The following KIRREL1 variants were observed in gnomAD, a reference collection of about 807,000 sequenced individuals.
KIRREL1 encodes kin of IRRE-like protein 1.
A neutral mutation model predicts 83.3 loss-of-function variants in KIRREL1; 25 were observed. That is an observed-to-expected ratio of 0.30 (90% CI 0.22 to 0.42). The LOEUF (loss-of-function observed/expected upper bound fraction) is 0.42, where lower values mean the gene tolerates loss of function less well. Ranked by LOEUF, KIRREL1 falls within the 10% of genes least tolerant of loss-of-function variation. The probability of loss-of-function intolerance (pLI) is 1.00; values close to 1 mark genes in which losing one functional copy is unlikely to be tolerated. For synonymous variants in KIRREL1, 388 were observed against 410.4 expected (o/e 0.95, Z 0.66); for missense variants, 812 against 1,032.3 (o/e 0.79, Z 2.92).
intron 3 of KIRREL1, among the ~76,000 whole-genome samples, chr1:158,083,161 A>G (rs944884156): frequency 2.0e-5 from 3 of 152,178 alleles, no homozygotes; most frequent in Admixed American, 1.3e-4. Context: ...AACATCATAC[A>G]TCGGTCAATT....
At chr1:158,038,756 T>G (rs1443157964) in intron 1 of KIRREL1, among the ~76,000 whole-genome samples, 1 of 152,198 alleles carries the variant, frequency 6.6e-6, no homozygotes, top group Non-Finnish European at 1.5e-5. Context: ...CGTGAAAAAT[T>G]CTGTGTCATG....
At chr1:158,056,451 C>T (rs2101599274) in intron 1 of KIRREL1, among the ~76,000 whole-genome samples, 1 of 152,332 alleles carries the variant, frequency 6.6e-6, no homozygotes, top group African/African-American at 2.4e-5. Context: ...AGGGAGCAGG[C>T]CAAAGAGCCC....
intron 1 of KIRREL1, among the ~76,000 whole-genome samples, chr1:158,029,369 A>ATGTGTGTGTG (rs1218198001): frequency 0.072 from 10,387 of 145,060 alleles, 528 homozygotes; most frequent in Middle Eastern, 0.15. Flanking sequence ...GTGTGTGTGC[A>ATGTGTGTGTG]CGTGCGCGCG....
chr1:158,002,758 G>A (rs1659401729), intron 1 of KIRREL1, among the ~76,000 whole-genome samples: 1 of 152,186 alleles, frequency 6.6e-6, no homozygotes, highest in Non-Finnish European at 1.5e-5. Flanking sequence ...AGCAGGGGCA[G>A]GGAGGGGGCC....
chr1:158,007,842 C>A (rs1201289475), intron 1 of KIRREL1, among the ~76,000 whole-genome samples: 1 of 152,048 alleles, frequency 6.6e-6, no homozygotes, highest in Non-Finnish European at 1.5e-5. Flanking sequence ...TGCCCCCGAG[C>A]CGGATGCTCC....
In KIRREL1 at chr1:158,096,416, T is replaced by A. The variant is rs1179057224; in HGVS notation, c.*1296T>A. 30 of 357,406 alleles carry A rather than the reference T, an allele frequency of 8.4e-5. 1 individual carries two copies. The Admixed American group carries it at 1.1e-3, about 13-fold the overall frequency. The allele number at this position is 357,406 out of a possible 1,614,324, so 22.1% of individuals were successfully genotyped here. A position where few individuals can be genotyped will look rare whatever the true frequency, so the allele number is the denominator to read the frequency against. On this transcript the variant is annotated 3_prime_UTR_variant, in exon 15 of 15. Transcript: ENST00000359209. Reference sequence around the variant, plus strand: ...ATCAGATTCCTTCTTCCACTTTCAGTGCCTTGAGTGTCAAGCTTTGGATGA... The same window carrying A: ...ATCAGATTCCTTCTTCCACTTTCAGAGCCTTGAGTGTCAAGCTTTGGATGA...
Position 158,087,995 on chromosome 1 carries a change from T to C in KIRREL1, c.768-11T>C, listed in dbSNP as rs1662067241. The stretch of plus-strand genomic sequence containing the variant: ...GGCCTGATCCCACCTCTGTGTTGCC[T>C]CCTCCCCTAGGTGGGCCAAAGGGGG... On this transcript the variant is annotated splice_polypyrimidine_tract_variant and intron_variant, in intron 6 of 14. Coordinates refer to ENST00000359209, the MANE Select transcript of KIRREL1 (RefSeq NM_018240.7). 1 of 1,613,870 alleles carries C rather than the reference T, an allele frequency of 6.2e-7. No individual in the cohort carries two copies. The highest frequency in any genetic ancestry group is 8.5e-7 in the Non-Finnish European group (1 of 1,179,934).
chr1:158,045,639 C>A (rs1660759668), intron 1 of KIRREL1, among the ~76,000 whole-genome samples: 1 of 152,192 alleles, frequency 6.6e-6, no homozygotes, highest in South Asian at 2.1e-4. Context: ...TGTGTACCAA[C>A]CAGGAGGTTC....
At chr1:158,048,286 ATTAT>A (rs1425015891) in intron 1 of KIRREL1, among the ~76,000 whole-genome samples, 2 of 152,156 alleles carry the variant, frequency 1.3e-5, no homozygotes, top group African/African-American at 2.4e-5. Flanking sequence ...CCTATGAAGA[ATTAT>A]TTATGTTATC....
intron 3 of KIRREL1, among the ~76,000 whole-genome samples, chr1:158,083,523 T>C (rs1661926302): frequency 2.0e-5 from 3 of 152,246 alleles, no homozygotes; most frequent in Admixed American, 2.0e-4. Context: ...GCCGAAATGC[T>C]TGGAACTTAT....
chr1:158,060,314 G>A (rs1021412049), intron 1 of KIRREL1, among the ~76,000 whole-genome samples: 1 of 152,132 alleles, frequency 6.6e-6, no homozygotes, highest in African/African-American at 2.4e-5. Flanking sequence ...CTCCCTGTCT[G>A]TAGCCACCAG....
chr1:158,096,312 G>A lies in KIRREL1; in HGVS notation c.*1192G>A. 1 of 347,712 alleles carries A rather than the reference G, an allele frequency of 2.9e-6. No individual in the cohort carries two copies. The highest frequency in any genetic ancestry group is 5.6e-6 in the Non-Finnish European group (1 of 177,590). 21.5% of individuals were successfully genotyped at this position (347,712 alleles called of 1,614,324 possible). A position where few individuals can be genotyped will look rare whatever the true frequency, so the allele number is the denominator to read the frequency against. ...GTCTCTACTCTCCTATGTCCCATCA[G>A]TTGGTTGGAGGCCACCTTCCAGGGG... is the stretch of plus-strand genomic sequence containing the variant. On this transcript the variant is annotated 3_prime_UTR_variant, in exon 15 of 15. Transcript: ENST00000359209.
At position 158,095,614 on chromosome 1, in the gene KIRREL1, C is replaced by T. The variant is rs1238147329; in HGVS notation, c.*494C>T. On this transcript the variant is annotated 3_prime_UTR_variant, in exon 15 of 15. Coordinates refer to ENST00000359209, the MANE Select transcript of KIRREL1 (RefSeq NM_018240.7). The stretch of plus-strand genomic sequence containing the variant: ...GTCTGCATTCGTGCCCTGGGTGCCT[C>T]TCTCCTTCCTCAGGGTACTGCAGAA... 6.5e-6 allele frequency: 1 copy of T among 154,434 alleles called. No individual in the cohort carries two copies. Among genetic ancestry groups the T allele is most frequent in the East Asian group, 1.9e-4 (1 of 5,204 alleles). The allele number at this position is 154,434 out of a possible 1,614,324, so 9.6% of individuals were successfully genotyped here. A position where few individuals can be genotyped will look rare whatever the true frequency, so the allele number is the denominator to read the frequency against.
In KIRREL1 at chr1:158,094,451, C is replaced by T. The variant is rs905086285; in HGVS notation, c.1797+61C>T. 6 of 1,528,908 alleles carry T rather than the reference C, an allele frequency of 3.9e-6. No homozygotes were observed. In the African/African-American group the frequency reaches 4.1e-5, roughly 10 times the overall value. The allele number at this position is 1,528,908 out of a possible 1,614,324, so 94.7% of individuals were successfully genotyped here. A position where few individuals can be genotyped will look rare whatever the true frequency, so the allele number is the denominator to read the frequency against. ...GGTGGGCCAGTGGGTTTCTGAGGTCCTGTAGCGGGGAGGTGAGGTGAGGAC... is the reference window on the plus strand; with the variant it reads ...GGTGGGCCAGTGGGTTTCTGAGGTCTTGTAGCGGGGAGGTGAGGTGAGGAC... On this transcript the variant is annotated intron_variant, in intron 14 of 14. Transcript: ENST00000359209. The surrounding 1 kb of genome is among the most constrained non-coding windows in gnomAD (Gnocchi z 4.6).
chr1:158,030,488 G>A (rs1660292380), intron 1 of KIRREL1, among the ~76,000 whole-genome samples: 1 of 152,198 alleles, frequency 6.6e-6, no homozygotes, highest in African/African-American at 2.4e-5. Context: ...CTGCTCCCCA[G>A]GGAGCCCAAA....
In KIRREL1 at chr1:158,014,447, G is replaced by A. The variant is rs532806039; in HGVS notation, c.52+20719G>A. Reference sequence around the variant, plus strand: ...GGTTCCATACTCCTGCCCATTGTCCGGGACTCTGCCTGAGATCCTAGCCTC... The same window carrying A: ...GGTTCCATACTCCTGCCCATTGTCCAGGACTCTGCCTGAGATCCTAGCCTC... On this transcript the variant is annotated intron_variant, in intron 1 of 14. Transcript: ENST00000359209. Among the ~76,000 whole-genome samples, 34 of 152,138 alleles carry A rather than the reference G, an allele frequency of 2.2e-4. No homozygotes were observed. The East Asian group carries it at 6.4e-3, about 29-fold the overall frequency.
chr1:158,086,486 T>C (rs1662017913), intron 4 of KIRREL1, 110 bp from the exon 5 acceptor site: 4 of 1,065,066 alleles, frequency 3.8e-6, no homozygotes, highest in Non-Finnish European at 5.4e-6. Context: ...GGATTGAGCT[T>C]TAAGTTAAAG....
At chr1:158,041,045 A>T (rs1226825292) in intron 1 of KIRREL1, among the ~76,000 whole-genome samples, 1 of 152,234 alleles carries the variant, frequency 6.6e-6, no homozygotes. Flanking sequence ...AACTACAACC[A>T]GTCAAGCAAC....
At chr1:158,063,137 C>T (rs949608613) in intron 1 of KIRREL1, among the ~76,000 whole-genome samples, 4 of 152,204 alleles carry the variant, frequency 2.6e-5, no homozygotes, top group Non-Finnish European at 5.9e-5. Flanking sequence ...CAATGCCATT[C>T]TGGCCGATAA....
Sources: gnomAD v4.1 joint callset for allele counts (sites outside exome capture counted in the v4.1 genomes callset) on GRCh38, gnomAD v4.1.1 for gene constraint, Gnocchi (gnomAD v3.1) non-coding constraint, MANE v1.5 for transcripts, NCBI Gene and HGNC (gene_info 2026-07-23, HGNC 2026-07-21) for gene names.